The following NWD2 variants were observed in gnomAD, a reference collection of about 807,000 sequenced individuals.
NWD2 encodes the protein NACHT and WD repeat domain-containing protein 2.
Under a neutral mutation model 132.7 loss-of-function variants are expected in NWD2, and 37 were observed. The observed-to-expected ratio is 0.28, with a 90% CI of 0.21 to 0.37. The LOEUF (loss-of-function observed/expected upper bound fraction) is 0.37, where lower values mean the gene tolerates loss of function less well. Ranked by LOEUF, NWD2 falls within the 10% of genes least tolerant of loss-of-function variation. The probability of loss-of-function intolerance (pLI) is 1.00; values close to 1 mark genes in which losing one functional copy is unlikely to be tolerated. For synonymous variants in NWD2, 705 were observed against 803.0 expected (o/e 0.88, Z 2.06); for missense variants, 1,592 against 2,122.4 (o/e 0.75, Z 4.91).
At position 37,415,631 on chromosome 4, in the gene NWD2, G is replaced by A. The variant is rs925656729; in HGVS notation, c.358-14941G>A. 4.0e-5 allele frequency among the ~76,000 whole-genome samples: 6 copies of A among 151,076 alleles called. No individual in the cohort carries two copies. In the East Asian group the frequency reaches 5.8e-4, roughly 15 times the overall value. ...AGGCAGGAAAATGGCGTGAACCTGC[G>A]AGGTGGAGCTTGCAGTGAGCCGAGA... On this transcript the variant is annotated intron_variant, in intron 3 of 6. Coordinates refer to ENST00000309447, the MANE Select transcript of NWD2 (RefSeq NM_001144990.2).
At chr4:37,404,006 A>G (rs1720946718) in intron 3 of NWD2, among the ~76,000 whole-genome samples, 1 of 152,202 alleles carries the variant, frequency 6.6e-6, no homozygotes, top group South Asian at 2.1e-4. Context: ...AATTAGATCC[A>G]CATTCCTCAG....
At position 37,430,726 on chromosome 4, in the gene NWD2, C is replaced by T. The variant is rs1250618971; in HGVS notation, c.512C>T (p.Ala171Val). 13 of 1,551,630 alleles carry T rather than the reference C, an allele frequency of 8.4e-6. No homozygotes were observed. The South Asian group carries it at 1.1e-4, about 13-fold the overall frequency. ...CGAGATGAGAACTCGGTGCCAGCAG[C>T]CTATTACCTCAGACCCAAGTCAGAA... ...YCRDENSVPA[A>V]YYLRPKSEML... The change falls in exon 4 of 7, where the codon GCC becomes GTC. Residue 171 changes from alanine to valine, a missense_variant. By Grantham distance (64) the Ala-to-Val change is moderately conservative. Coordinates refer to ENST00000309447, the MANE Select transcript of NWD2 (RefSeq NM_001144990.2).
chr4:37,330,098 A>G (rs1432872171), intron 2 of NWD2, among the ~76,000 whole-genome samples: 2 of 152,246 alleles, frequency 1.3e-5, no homozygotes, highest in Non-Finnish European at 2.9e-5. Context: ...AAGCAAGTCC[A>G]TATACCTTTT....
At chr4:37,440,954 C>A (rs191827730) in intron 6 of NWD2, among the ~76,000 whole-genome samples, 2 of 152,306 alleles carry the variant, frequency 1.3e-5, no homozygotes, top group East Asian at 3.9e-4. Context: ...CACGAATATT[C>A]TCATAACCTG....
intron 3 of NWD2, among the ~76,000 whole-genome samples, chr4:37,383,988 C>A (rs758687388): frequency 6.6e-5 from 10 of 151,974 alleles, no homozygotes; most frequent in African/African-American, 9.7e-5. Context: ...AAATAAAAAC[C>A]TGCAGGACGT....
At chr4:37,255,942 T>A (rs1717510556) in intron 1 of NWD2, among the ~76,000 whole-genome samples, 1 of 152,238 alleles carries the variant, frequency 6.6e-6, no homozygotes, top group Non-Finnish European at 1.5e-5. Context: ...CAGGAAGGGT[T>A]ATTCAGTTAG....
intron 1 of NWD2, among the ~76,000 whole-genome samples, chr4:37,260,661 G>T (rs1023816472): frequency 1.3e-5 from 2 of 152,186 alleles, no homozygotes; most frequent in African/African-American, 4.8e-5. Context: ...CCAGGATTTA[G>T]AAATACCTTC....
intron 1 of NWD2, among the ~76,000 whole-genome samples, chr4:37,251,107 C>T (rs757642103): frequency 1.3e-5 from 2 of 152,086 alleles, no homozygotes; most frequent in Admixed American, 6.6e-5. Context: ...GGTGAAACCC[C>T]GTCTCTACTA....
rs771588035 is a variant in NWD2, at chr4:37,443,338, C to T, written c.1350C>T (p.Ile450=). ...DTGPESDPVV[I]VRFLGTTDMS... Reference sequence around the variant, plus strand: ...GACCAGAATCTGACCCAGTAGTCATCGTGAGATTTCTAGGAACGACAGACA... The same window carrying T: ...GACCAGAATCTGACCCAGTAGTCATTGTGAGATTTCTAGGAACGACAGACA... Residue 450 remains isoleucine, a synonymous_variant, in exon 7 of 7, where the codon ATC becomes ATT. Transcript: ENST00000309447. This position sits in a 1 kb window ranked among gnomAD's most constrained non-coding sequence, Gnocchi z 4.1. 135 of 1,551,566 alleles carry T rather than the reference C, an allele frequency of 8.7e-5. No homozygotes were observed. Among genetic ancestry groups the T allele is most frequent in the Non-Finnish European group, 1.1e-4 (122 of 1,146,992 alleles).
rs80033193 is a variant in NWD2, at chr4:37,284,525, G to T, written c.151+39307G>T. On this transcript the variant is annotated intron_variant, in intron 1 of 6. Transcript: ENST00000309447. The stretch of plus-strand genomic sequence containing the variant: ...TCCTTGGCTCCTCCAGTGCCTGTTG[G>T]AGTCCCCCACAGAGCCCTGGATCTC... Among the ~76,000 whole-genome samples the T allele has an allele frequency of 3.2e-3, 487 of 152,290 alleles. 4 individuals are homozygous for T. The highest frequency in any genetic ancestry group is 0.011 in the African/African-American group (451 of 41,564).
intron 1 of NWD2, among the ~76,000 whole-genome samples, chr4:37,322,528 G>A (rs1054705216): frequency 2.0e-5 from 3 of 152,222 alleles, no homozygotes; most frequent in African/African-American, 7.2e-5. Flanking sequence ...AAAGTGGTAA[G>A]AGATGAGCTT....
chr4:37,288,735 G>A lies in NWD2; in HGVS notation c.152-37201G>A, dbSNP rs190947810. 3.1e-3 allele frequency among the ~76,000 whole-genome samples: 472 copies of A among 152,260 alleles called. 2 individuals carry two copies. The highest frequency in any genetic ancestry group is 0.01 in the Middle Eastern group (3 of 294). ...AGTTTGTAGAAAAGTAGAAATTGTTGTTGTGAATTACCCATTTGCATATAT... is the reference window on the plus strand; with the variant it reads ...AGTTTGTAGAAAAGTAGAAATTGTTATTGTGAATTACCCATTTGCATATAT... On this transcript the variant is annotated intron_variant, in intron 1 of 6. Transcript: ENST00000309447.
intron 3 of NWD2, among the ~76,000 whole-genome samples, chr4:37,402,732 G>A (rs1720921094): frequency 6.6e-6 from 1 of 152,152 alleles, no homozygotes; most frequent in African/African-American, 2.4e-5. Context: ...CCAGCTGCAT[G>A]GGTTCTGTAA....
rs767657395 is a variant in NWD2 at position 37,443,569 on chromosome 4, G to A, written c.1581G>A (p.Lys527=). 8 of 1,551,794 alleles carry A rather than the reference G, an allele frequency of 5.2e-6. No individual in the cohort carries two copies. In the South Asian group the frequency reaches 9.5e-5, roughly 18 times the overall value. Residue 527 remains lysine (K), a synonymous_variant, in exon 7 of 7, where the codon AAG becomes AAA. Transcript: ENST00000309447. The surrounding 1 kb of genome is among the most constrained non-coding windows in gnomAD (Gnocchi z 4.1). ...EQLSENDDAR[K]LWWLPAHLPR... ...TCTCAGAGAATGATGATGCCAGGAA[G>A]CTTTGGTGGCTCCCAGCTCACCTGC...
intron 1 of NWD2, among the ~76,000 whole-genome samples, chr4:37,286,470 A>G (rs926882197): frequency 1.3e-5 from 2 of 152,244 alleles, no homozygotes; most frequent in South Asian, 2.1e-4. Flanking sequence ...ACTCACTTAT[A>G]TGTTAATCAA....
intron 4 of NWD2, among the ~76,000 whole-genome samples, chr4:37,432,035 T>G (rs1199611951): frequency 6.6e-6 from 1 of 152,078 alleles, no homozygotes; most frequent in African/African-American, 2.4e-5. Flanking sequence ...TTGCCCAGTT[T>G]TCTATAATGT....
chr4:37,394,799 G>GTTTTTTTTTGTTTTGTTTTGTTTTTT (rs1720747283), intron 3 of NWD2, among the ~76,000 whole-genome samples: 3 of 52,596 alleles, frequency 5.7e-5, no homozygotes, highest in African/African-American at 7.7e-5. Flanking sequence ...AACCTTTATG[G>GTTTTTTTTTGTTTTGTTTTGTTTTTT]TTTTTTTTTT....
intron 3 of NWD2, among the ~76,000 whole-genome samples, chr4:37,379,377 CAG>C (rs10572031): frequency 0.52 from 78,383 of 151,792 alleles, 22,800 homozygotes; most frequent in Non-Finnish European, 0.67. Flanking sequence ...ACAGAACAAA[CAG>C]AGACACAGAG....
chr4:37,296,276 T>G (rs1336997042), intron 1 of NWD2, among the ~76,000 whole-genome samples: 1 of 152,208 alleles, frequency 6.6e-6, no homozygotes, highest in East Asian at 1.9e-4. Context: ...TGAGTTATAG[T>G]GCCGTTGGCC....
Sources: gnomAD v4.1 joint callset for allele counts (sites outside exome capture counted in the v4.1 genomes callset) on GRCh38, gnomAD v4.1.1 for gene constraint, Gnocchi (gnomAD v3.1) non-coding constraint, MANE v1.5 for transcripts, NCBI Gene and HGNC (gene_info 2026-07-23, HGNC 2026-07-21) for gene names.